The following FER variants were observed in gnomAD, a reference collection of about 807,000 sequenced individuals.
FER encodes the protein tyrosine-protein kinase Fer.
A neutral mutation model predicts 111.0 loss-of-function variants in FER; 63 were observed. The ratio of observed to expected loss-of-function variants is 0.57; its 90% CI spans 0.46 to 0.70. The LOEUF is 0.70. FER is among the 30% of genes least tolerant of loss of function. The probability of loss-of-function intolerance (pLI) is 0.00; values close to 1 mark genes in which losing one functional copy is unlikely to be tolerated. For synonymous variants in FER, 327 were observed against 313.9 expected (o/e 1.04, Z -0.44); for missense variants, 914 against 954.0 (o/e 0.96, Z 0.55).
chr5:109,121,689 T>A (rs1750999404), intron 17 of FER, among the ~76,000 whole-genome samples: 1 of 152,112 alleles, frequency 6.6e-6, no homozygotes, highest in African/African-American at 2.4e-5. Flanking sequence ...TTTCTTTAAA[T>A]GTTTGGTAAA....
At chr5:108,903,744 C>G (rs1363686106) in intron 10 of FER, among the ~76,000 whole-genome samples, 1 of 152,104 alleles carries the variant, frequency 6.6e-6, no homozygotes, top group East Asian at 1.9e-4. Flanking sequence ...TTGATATTCA[C>G]TGAGTTCTTA....
chr5:108,813,368 G>A (rs28633642), intron 3 of FER, among the ~76,000 whole-genome samples: 34,741 of 151,866 alleles, frequency 0.23, 4,154 homozygotes, highest in African/African-American at 0.28. Context: ...AGTTTTCTCT[G>A]CATTTTTTGT....
chr5:108,950,935 A>G (rs889427998), intron 11 of FER, among the ~76,000 whole-genome samples: 1 of 151,702 alleles, frequency 6.6e-6, no homozygotes, highest in Non-Finnish European at 1.5e-5. Context: ...TAAGTAATAC[A>G]TAGCTTTAAA....
chr5:108,865,327 C>T (rs969783819), intron 5 of FER, among the ~76,000 whole-genome samples: 2 of 152,084 alleles, frequency 1.3e-5, no homozygotes, highest in Admixed American at 1.3e-4. Context: ...TCCTCTTTTC[C>T]TAATTGAATA....
At chr5:109,121,228 G>A (rs1394330578) in intron 17 of FER, among the ~76,000 whole-genome samples, 3 of 152,106 alleles carry the variant, frequency 2.0e-5, no homozygotes, top group African/African-American at 4.8e-5. Flanking sequence ...CTAGCAGTGG[G>A]TCTGTCATGT....
chr5:108,864,985 C>A lies in FER; in HGVS notation c.482-2782C>A, dbSNP rs551859957. Among the ~76,000 whole-genome samples, 120 of 152,192 alleles carry A rather than the reference C, an allele frequency of 7.9e-4. No homozygotes were observed. The East Asian group carries it at 0.012, about 16-fold the overall frequency. ...TTTCACGATATTGATTCTTCCTACCCATGAGCATGGAATGTTCTTCCATTT... is the reference window on the plus strand; with the variant it reads ...TTTCACGATATTGATTCTTCCTACCAATGAGCATGGAATGTTCTTCCATTT... On this transcript the variant is annotated intron_variant, in intron 5 of 19. Coordinates refer to ENST00000281092, the MANE Select transcript of FER (RefSeq NM_005246.4).
intron 16 of FER, among the ~76,000 whole-genome samples, chr5:109,060,184 G>C (rs1033439197): frequency 1.3e-5 from 2 of 151,702 alleles, no homozygotes; most frequent in East Asian, 1.9e-4. Context: ...CAATAGACAG[G>C]CATGAGGGTT....
intron 10 of FER, among the ~76,000 whole-genome samples, chr5:108,918,263 T>C (rs1162995150): frequency 6.6e-6 from 1 of 152,204 alleles, no homozygotes; most frequent in Non-Finnish European, 1.5e-5. Context: ...GCTTTCATTC[T>C]GACGTTCTTA....
intron 17 of FER, among the ~76,000 whole-genome samples, chr5:109,135,927 C>G (rs1039279013): frequency 6.6e-6 from 1 of 151,952 alleles, no homozygotes; most frequent in South Asian, 2.1e-4. Context: ...CTGCTTGGCC[C>G]GGGCCATCCC....
chr5:108,848,232 T>G (rs1422843651), intron 5 of FER, among the ~76,000 whole-genome samples: 1 of 152,212 alleles, frequency 6.6e-6, no homozygotes, highest in Non-Finnish European at 1.5e-5. Context: ...ATTTCTGAAA[T>G]GCATCTCTTG....
chr5:108,901,621 A>C (rs1581125680), intron 10 of FER, among the ~76,000 whole-genome samples: 1 of 152,208 alleles, frequency 6.6e-6, no homozygotes, highest in East Asian at 1.9e-4. Context: ...CAGAAATAAA[A>C]CCCTGCCATT....
rs571899152 is a variant in FER, at chr5:109,132,540, G to T, written c.2048+32021G>T. ...GAAACAGGTGGAGGCAGGGAAGGAA[G>T]GTCTGCTCTACTTTGACTGTTAAAA... On this transcript the variant is annotated intron_variant, in intron 17 of 19. Coordinates refer to ENST00000281092, the MANE Select transcript of FER (RefSeq NM_005246.4). 2.6e-5 allele frequency among the ~76,000 whole-genome samples: 4 copies of T among 152,172 alleles called. No homozygotes were observed. The South Asian group carries it at 8.3e-4, about 32-fold the overall frequency.
intron 5 of FER, among the ~76,000 whole-genome samples, chr5:108,855,036 A>G (rs1344380874): frequency 6.6e-6 from 1 of 151,744 alleles, no homozygotes; most frequent in Admixed American, 6.6e-5. Context: ...GACTGATTCC[A>G]AGATTTTTGG....
At chr5:109,017,860 T>C (rs748306874) in intron 13 of FER, among the ~76,000 whole-genome samples, 167 of 151,920 alleles carry the variant, frequency 1.1e-3, no homozygotes, top group Non-Finnish European at 2.2e-3. Flanking sequence ...AACTAATGCA[T>C]TGTAGAGAGT....
intron 17 of FER, among the ~76,000 whole-genome samples, chr5:109,150,090 CCT>C (rs1304134453): frequency 6.6e-6 from 1 of 152,140 alleles, no homozygotes; most frequent in Non-Finnish European, 1.5e-5. Context: ...CACCGCCACC[CCT>C]GTTTGTGGAA....
chr5:109,068,222 G>A (rs1415684420), intron 16 of FER, among the ~76,000 whole-genome samples: 3 of 148,138 alleles, frequency 2.0e-5, no homozygotes, highest in Non-Finnish European at 3.0e-5. Context: ...CTTACTCTAT[G>A]GCCCAGGCTG....
intron 17 of FER, among the ~76,000 whole-genome samples, chr5:109,128,574 A>G (rs1238755863): frequency 6.6e-6 from 1 of 152,138 alleles, no homozygotes; most frequent in African/African-American, 2.4e-5. Flanking sequence ...TGTAGCATGC[A>G]CTTCTCATCA....
At chr5:109,142,276 T>C (rs1384393635) in intron 17 of FER, among the ~76,000 whole-genome samples, 1 of 152,202 alleles carries the variant, frequency 6.6e-6, no homozygotes, top group African/African-American at 2.4e-5. Context: ...TTGTCGATAT[T>C]AGAACATTTG....
intron 13 of FER, among the ~76,000 whole-genome samples, chr5:108,984,383 G>A (rs191367821): frequency 1.6e-4 from 24 of 152,130 alleles, no homozygotes; most frequent in African/African-American, 4.8e-4. Flanking sequence ...AATGTCCTAC[G>A]AAATCCCAGT....
Sources: allele counts gnomAD v4.1 joint callset (sites outside exome capture counted in the v4.1 genomes callset), GRCh38; gene constraint gnomAD v4.1.1; transcripts MANE v1.5; gene names NCBI Gene and HGNC (gene_info 2026-07-23, HGNC 2026-07-21).